Variants in FMNL2 observed in about 807,000 individuals in gnomAD.
FMNL2 encodes formin like 2.
A neutral mutation model predicts 130.2 loss-of-function variants in FMNL2; 51 were observed. That is an observed-to-expected ratio of 0.39 (90% CI 0.31 to 0.49). FMNL2 has a LOEUF of 0.49. Ranked by LOEUF, FMNL2 falls within the 20% of genes least tolerant of loss-of-function variation. The pLI, the probability that FMNL2 is intolerant of heterozygous loss-of-function variation, is 0.85. For missense variants in FMNL2, 977 were observed against 1,316.2 expected, an observed-to-expected ratio of 0.74 and a Z score of 3.99; for synonymous variants, 465 against 467.1, an observed-to-expected ratio of 1.00 and a Z score of 0.06.
chr2:152,429,323 G>A (rs1367056722), intron 1 of FMNL2, among the ~76,000 whole-genome samples: 1 of 151,994 alleles, frequency 6.6e-6, no homozygotes, highest in Non-Finnish European at 1.5e-5. Flanking sequence ...CGGTGCCCCT[G>A]CCTTACATTG....
At chr2:152,642,464 T>G (rs919621911) in intron 25 of FMNL2, among the ~76,000 whole-genome samples, 1 of 152,242 alleles carries the variant, frequency 6.6e-6, no homozygotes, top group Admixed American at 6.5e-5. Flanking sequence ...TGCCATTCTC[T>G]ACACATGGCA....
intron 1 of FMNL2, among the ~76,000 whole-genome samples, chr2:152,506,574 T>A (rs1692182459): frequency 6.6e-6 from 1 of 152,190 alleles, no homozygotes; most frequent in Admixed American, 6.5e-5. Flanking sequence ...TCCACAGATG[T>A]GGAACCCATG....
At chr2:152,389,910 G>A in intron 1 of FMNL2, 1 of 1,033,838 alleles carries the variant, frequency 9.7e-7, no homozygotes, top group Non-Finnish European at 1.5e-6. Context: ...CCCGGGAGAA[G>A]GTGGAGCGGG....
At chr2:152,459,936 G>A (rs1407607536) in intron 1 of FMNL2, among the ~76,000 whole-genome samples, 1 of 152,134 alleles carries the variant, frequency 6.6e-6, no homozygotes, top group Admixed American at 6.6e-5. Flanking sequence ...CAAAATTTTC[G>A]TTTGAGTCCC....
At chr2:152,604,777 G>T (rs1266477498) in intron 9 of FMNL2, among the ~76,000 whole-genome samples, 1 of 151,850 alleles carries the variant, frequency 6.6e-6, no homozygotes, top group African/African-American at 2.4e-5. Flanking sequence ...TGTATTTTTA[G>T]TACAGACGGG....
intron 1 of FMNL2, among the ~76,000 whole-genome samples, chr2:152,352,794 G>A (rs995022540): frequency 2.0e-5 from 3 of 146,972 alleles, no homozygotes; most frequent in Non-Finnish European, 4.5e-5. Flanking sequence ...CTGAACCTTT[G>A]TTTTTTTAAA....
At chr2:152,397,571 T>C (rs1310901230) in intron 1 of FMNL2, among the ~76,000 whole-genome samples, 1 of 152,190 alleles carries the variant, frequency 6.6e-6, no homozygotes, top group Non-Finnish European at 1.5e-5. Flanking sequence ...TCAGGGAGTT[T>C]CCTGGCTAAG....
intron 1 of FMNL2, among the ~76,000 whole-genome samples, chr2:152,397,427 G>A (rs1685457511): frequency 6.6e-6 from 1 of 152,144 alleles, no homozygotes; most frequent in South Asian, 2.1e-4. Flanking sequence ...AGAATTACCT[G>A]CTGGAATTTT....
At chr2:152,489,518 T>A (rs2105274712) in intron 1 of FMNL2, among the ~76,000 whole-genome samples, 1 of 152,280 alleles carries the variant, frequency 6.6e-6, no homozygotes, top group Middle Eastern at 3.4e-3. Flanking sequence ...GGGACAAGAA[T>A]AACATGAAAG....
At chr2:152,485,274 C>CCT (rs1690755837) in intron 1 of FMNL2, among the ~76,000 whole-genome samples, 11 of 152,264 alleles carry the variant, frequency 7.2e-5, no homozygotes, top group Middle Eastern at 3.4e-3. Flanking sequence ...GGGCAGATCA[C>CCT]GAGGTCAAGA....
chr2:152,416,516 A>G (rs1227583765), intron 1 of FMNL2, among the ~76,000 whole-genome samples: 1 of 152,242 alleles, frequency 6.6e-6, no homozygotes, highest in East Asian at 1.9e-4. Context: ...CAAAGCTTCC[A>G]TAACATCTCA....
At chr2:152,461,679 G>A (rs1438920162) in intron 1 of FMNL2, among the ~76,000 whole-genome samples, 1 of 152,158 alleles carries the variant, frequency 6.6e-6, no homozygotes, top group Non-Finnish European at 1.5e-5. Context: ...TAACAGCACA[G>A]ATATGGATGT....
intron 1 of FMNL2, among the ~76,000 whole-genome samples, chr2:152,461,942 C>T (rs190471057): frequency 6.6e-6 from 1 of 151,738 alleles, no homozygotes; most frequent in African/African-American, 2.4e-5. Flanking sequence ...TGTTGCCCAG[C>T]GTGGAGTGTG....
At chr2:152,472,158 A>T (rs2105186174) in intron 1 of FMNL2, among the ~76,000 whole-genome samples, 1 of 152,380 alleles carries the variant, frequency 6.6e-6, no homozygotes, top group Middle Eastern at 3.4e-3. Context: ...ATAATAGCAC[A>T]GGCTTGATGA....
intron 1 of FMNL2, among the ~76,000 whole-genome samples, chr2:152,447,409 T>G (rs79334069): frequency 0.023 from 3,578 of 152,314 alleles, 146 homozygotes; most frequent in African/African-American, 0.082. Flanking sequence ...AGCCATCAAC[T>G]TATTTTTGAT....
At chr2:152,508,195 A>G (rs1024800367) in intron 1 of FMNL2, among the ~76,000 whole-genome samples, 2 of 152,188 alleles carry the variant, frequency 1.3e-5, no homozygotes, top group Admixed American at 6.5e-5. Flanking sequence ...CTGGGATGGA[A>G]CACTGCAGCA....
intron 22 of FMNL2, 33 bp from the exon 23 acceptor site, chr2:152,637,540 A>G (rs1163426083): frequency 1.3e-6 from 2 of 1,566,730 alleles, no homozygotes; most frequent in Non-Finnish European, 1.8e-6. Context: ...ATGCCTAACT[A>G]ATGAAACTCA....
chr2:152,550,193 TCA>T (rs1694858464), intron 4 of FMNL2, among the ~76,000 whole-genome samples: 1 of 152,218 alleles, frequency 6.6e-6, no homozygotes, highest in South Asian at 2.1e-4. Context: ...AAAGTTTACT[TCA>T]GACTGCTGTA....
chr2:152,442,347 G>A (rs1476601844), intron 1 of FMNL2, among the ~76,000 whole-genome samples: 2 of 151,810 alleles, frequency 1.3e-5, no homozygotes, highest in Non-Finnish European at 2.9e-5. Flanking sequence ...CTTCTCCCGG[G>A]TTTAAGTGAT....
Sources: allele counts gnomAD v4.1 joint callset (sites outside exome capture counted in the v4.1 genomes callset), GRCh38; gene constraint gnomAD v4.1.1; transcripts MANE v1.5; gene names NCBI Gene and HGNC (gene_info 2026-07-23, HGNC 2026-07-21).